Variants in PEPD observed in about 807,000 individuals in gnomAD.
The protein encoded by PEPD is xaa-Pro dipeptidase.
In PEPD, 53 loss-of-function variants were observed where a neutral mutation model predicts 60.7. That is an observed-to-expected ratio of 0.87 (90% confidence interval 0.70 to 1.10). The LOEUF (loss-of-function observed/expected upper bound fraction) is 1.10, where lower values mean the gene tolerates loss of function less well. Ranked by LOEUF, PEPD falls within the 50% of genes least tolerant of loss-of-function variation. PEPD has a pLI of 0.00. For missense variants in PEPD, 711 were observed against 711.9 expected (o/e 1.00, Z 0.01); for synonymous variants, 267 against 284.1 (o/e 0.94, Z 0.60).
intron 13 of PEPD, among the ~76,000 whole-genome samples, chr19:33,390,595 G>T (rs1361487758): frequency 1.3e-5 from 2 of 149,830 alleles, no homozygotes; most frequent in Non-Finnish European, 3.0e-5. Context: ...CCAAGGGCAG[G>T]GATGGGAGCG....
intron 7 of PEPD, among the ~76,000 whole-genome samples, chr19:33,472,076 G>A (rs577295321): frequency 3.3e-5 from 5 of 151,766 alleles, no homozygotes; most frequent in South Asian, 2.1e-4. Context: ...CAGAAGAGTC[G>A]CTTGAACCTG....
intron 1 of PEPD, among the ~76,000 whole-genome samples, chr19:33,515,617 C>G (rs1204169260): frequency 6.6e-6 from 1 of 152,002 alleles, no homozygotes; most frequent in Non-Finnish European, 1.5e-5. Context: ...GGCACAGAGG[C>G]AAAACTCGTC....
chr19:33,506,057 C>T (rs954288005), intron 3 of PEPD, among the ~76,000 whole-genome samples: 8 of 148,236 alleles, frequency 5.4e-5, no homozygotes, highest in Non-Finnish European at 1.2e-4. Flanking sequence ...CTCCCACCCA[C>T]CACACCCCCA....
intron 5 of PEPD, among the ~76,000 whole-genome samples, chr19:33,492,472 A>T (rs1397389555): frequency 2.0e-5 from 3 of 152,200 alleles, no homozygotes; most frequent in Non-Finnish European, 4.4e-5. Flanking sequence ...CAGGTATGCA[A>T]TGTGGAATAA....
intron 3 of PEPD, among the ~76,000 whole-genome samples, chr19:33,505,086 G>A (rs1970774522): frequency 6.6e-6 from 1 of 152,174 alleles, no homozygotes; most frequent in African/African-American, 2.4e-5. Flanking sequence ...GACACGAGGA[G>A]CCCTCTAGAA....
chr19:33,474,081 C>T (rs1031112118), intron 7 of PEPD, among the ~76,000 whole-genome samples: 2 of 152,160 alleles, frequency 1.3e-5, no homozygotes, highest in Admixed American at 1.3e-4. Context: ...CATGTGGGTG[C>T]CAAGGAAGCC....
chr19:33,485,436 T>G (rs1469512753), intron 6 of PEPD, among the ~76,000 whole-genome samples: 1 of 146,096 alleles, frequency 6.8e-6, no homozygotes, highest in East Asian at 2.0e-4. Flanking sequence ...GAGGTTGCAA[T>G]GAGCTGAGAT....
In PEPD at chr19:33,512,456, C is replaced by G. The variant is rs1425612710; in HGVS notation, c.201+137G>C. 3 of 820,756 alleles carry G rather than the reference C, an allele frequency of 3.7e-6. No homozygotes were observed. In the African/African-American group the frequency reaches 5.0e-5, roughly 14 times the overall value. 50.8% of individuals were successfully genotyped at this position (820,756 alleles called of 1,614,324 possible). ...CTACATCTTCAAGGAGCCCCTGGAC[C>G]ACTTCCCAGGCGAGGAAACAGAGGC... On this transcript the variant is annotated intron_variant, in intron 2 of 14. Transcript: ENST00000244137.
At chr19:33,416,172 G>A (rs1258130448) in intron 9 of PEPD, among the ~76,000 whole-genome samples, 2 of 152,192 alleles carry the variant, frequency 1.3e-5, no homozygotes, top group Non-Finnish European at 2.9e-5. Context: ...GTGTGCCCCC[G>A]CACAGCTGGG....
At chr19:33,423,762 G>A (rs1228477753) in intron 9 of PEPD, among the ~76,000 whole-genome samples, 1 of 152,126 alleles carries the variant, frequency 6.6e-6, no homozygotes, top group Non-Finnish European at 1.5e-5. Context: ...TTTCCCCTTT[G>A]CTCCTTAATT....
At chr19:33,420,837 T>G (rs201577573) in intron 9 of PEPD, among the ~76,000 whole-genome samples, 3 of 152,116 alleles carry the variant, frequency 2.0e-5, no homozygotes, top group African/African-American at 7.2e-5. Context: ...CCAGCACAAC[T>G]TGGGCACGCC....
At chr19:33,506,726 C>A (rs947421042) in intron 3 of PEPD, among the ~76,000 whole-genome samples, 2 of 149,106 alleles carry the variant, frequency 1.3e-5, no homozygotes, top group Non-Finnish European at 3.0e-5. Flanking sequence ...CCCATCACAA[C>A]CTACATACCA....
At chr19:33,390,532 G>A (rs1745190927) in intron 13 of PEPD, among the ~76,000 whole-genome samples, 1 of 152,240 alleles carries the variant, frequency 6.6e-6, no homozygotes, top group African/African-American at 2.4e-5. Flanking sequence ...ACTGGCTGGG[G>A]GGCCCCAGGG....
intron 6 of PEPD, among the ~76,000 whole-genome samples, chr19:33,485,452 CA>C (rs1970379096): frequency 6.8e-6 from 1 of 147,606 alleles, no homozygotes; most frequent in Non-Finnish European, 1.5e-5. Flanking sequence ...GAGATCGTGC[CA>C]CTGCACTCCA....
chr19:33,476,020 A>C (rs10410463), intron 7 of PEPD, among the ~76,000 whole-genome samples: 75,174 of 151,990 alleles, frequency 0.49, 19,131 homozygotes, highest in African/African-American at 0.6. Flanking sequence ...ATGCCGTGTT[A>C]GGCTAATTTT....
intron 5 of PEPD, 145 bp from the exon 6 acceptor site, chr19:33,490,202 T>G: frequency 1.5e-6 from 1 of 684,084 alleles, no homozygotes; most frequent in Non-Finnish European, 2.7e-6. Context: ...CCCAGCCAGG[T>G]AGCTCCAGGC....
chr19:33,389,322 G>T (rs1968157984), intron 13 of PEPD, among the ~76,000 whole-genome samples: 1 of 152,220 alleles, frequency 6.6e-6, no homozygotes, highest in African/African-American at 2.4e-5. Context: ...AGCTGAGGCC[G>T]GAGGGCAGGG....
chr19:33,517,166 G>A (rs778407109), intron 1 of PEPD, among the ~76,000 whole-genome samples: 3 of 152,132 alleles, frequency 2.0e-5, no homozygotes, highest in Non-Finnish European at 4.4e-5. Flanking sequence ...GGGGGACAGG[G>A]CGAGACCCTG....
At chr19:33,469,161 C>T (rs1970075603) in intron 7 of PEPD, among the ~76,000 whole-genome samples, 1 of 152,156 alleles carries the variant, frequency 6.6e-6, no homozygotes, top group African/African-American at 2.4e-5. Context: ...CTGGAGCCGC[C>T]CTCTGCCTTC....
Sources: allele counts gnomAD v4.1 joint callset (sites outside exome capture counted in the v4.1 genomes callset), GRCh38; gene constraint gnomAD v4.1.1; transcripts MANE v1.5; gene names NCBI Gene and HGNC (gene_info 2026-07-23, HGNC 2026-07-21).